RBFOX1: variants seen among roughly 807,000 people sequenced by gnomAD.
RBFOX1 encodes the protein RNA binding protein fox-1 homolog 1.
RBFOX1 carries 8 observed loss-of-function variants against 57.7 expected under a neutral mutation model. The ratio of observed to expected loss-of-function variants is 0.14; its 90% CI spans 0.08 to 0.25. The LOEUF (loss-of-function observed/expected upper bound fraction) is 0.25, where lower values mean the gene tolerates loss of function less well. RBFOX1 is among the 10% of genes least tolerant of loss of function. RBFOX1 has a pLI of 1.00. For missense variants in RBFOX1, 611 were observed against 548.5 expected, an observed-to-expected ratio of 1.11 and a Z score of -1.14; for synonymous variants, 326 against 222.4, an observed-to-expected ratio of 1.47 and a Z score of -4.15.
intron 4 of RBFOX1, among the ~76,000 whole-genome samples, chr16:7,203,173 G>C (rs2089068398): frequency 6.6e-6 from 1 of 152,184 alleles, no homozygotes; most frequent in Admixed American, 6.5e-5. Flanking sequence ...TAAGCAAAAT[G>C]TGATACTCAC....
intron 4 of RBFOX1, among the ~76,000 whole-genome samples, chr16:7,203,364 T>C (rs2089139807): frequency 6.6e-6 from 1 of 152,156 alleles, no homozygotes; most frequent in African/African-American, 2.4e-5. Flanking sequence ...AGAATGGTGG[T>C]GGCTGGTGGA....
intron 3 of RBFOX1, among the ~76,000 whole-genome samples, chr16:5,840,727 C>A (rs2056599811): frequency 6.6e-6 from 1 of 152,186 alleles, no homozygotes; most frequent in African/African-American, 2.4e-5. Flanking sequence ...AAGGAGCCTT[C>A]TCACAGCACA....
intron 3 of RBFOX1, among the ~76,000 whole-genome samples, chr16:6,676,157 C>T (rs1269277471): frequency 6.6e-6 from 1 of 151,406 alleles, no homozygotes; most frequent in East Asian, 1.9e-4. Context: ...CACACACACA[C>T]ACACACACAC....
intron 4 of RBFOX1, among the ~76,000 whole-genome samples, chr16:7,277,149 A>G (rs1234729987): frequency 1.3e-5 from 2 of 152,238 alleles, no homozygotes; most frequent in African/African-American, 2.4e-5. Flanking sequence ...AGAAACATTA[A>G]AAAGTTGGAT....
intron 3 of RBFOX1, among the ~76,000 whole-genome samples, chr16:6,982,620 A>G (rs1477450799): frequency 6.6e-6 from 1 of 152,226 alleles, no homozygotes; most frequent in East Asian, 1.9e-4. Flanking sequence ...GGAGCTGAGC[A>G]AAGCCCTTTC....
chr16:6,249,659 G>T (rs1205827814), intron 1 of RBFOX1, among the ~76,000 whole-genome samples: 1 of 152,226 alleles, frequency 6.6e-6, no homozygotes, highest in East Asian at 1.9e-4. Flanking sequence ...TGCAGGCAAA[G>T]GTGAGATCTA....
At chr16:7,221,784 C>A (rs2092750875) in intron 4 of RBFOX1, among the ~76,000 whole-genome samples, 2 of 152,176 alleles carry the variant, frequency 1.3e-5, no homozygotes, top group South Asian at 4.1e-4. Context: ...CCAGAATGGT[C>A]TTATCTTTTA....
intron 2 of RBFOX1, among the ~76,000 whole-genome samples, chr16:6,423,977 C>A (rs138333280): frequency 0.01 from 1,522 of 152,126 alleles, 29 homozygotes; most frequent in African/African-American, 0.033. Context: ...TGGTGGCTCA[C>A]GCCTGTAATC....
chr16:7,004,923 C>T (rs948370638), intron 3 of RBFOX1, among the ~76,000 whole-genome samples: 2 of 152,122 alleles, frequency 1.3e-5, no homozygotes, highest in Non-Finnish European at 1.5e-5. Context: ...GTGGGCCGAT[C>T]ACTTGAGGTC....
intron 1 of RBFOX1, among the ~76,000 whole-genome samples, chr16:6,082,962 G>T (rs2096027542): frequency 6.6e-6 from 1 of 151,890 alleles, no homozygotes; most frequent in Admixed American, 6.6e-5. Context: ...TGCTGTAATG[G>T]GGAAGACTGA....
At position 5,756,223 on chromosome 16, in the gene RBFOX1, CAAAA is replaced by C. The variant is rs5815266; in HGVS notation, c.319-111058_319-111055del. On this transcript the variant is annotated intron_variant, in intron 3 of 19. Coordinates refer to the RBFOX1 transcript ENST00000641259. ...CCCCTTCTTACATCTTCCACATAAG[CAAAA>C]AAAAAAAAAAAAAAAAAAAAACCCT... Among the ~76,000 whole-genome samples, 314 of 50,962 alleles carry C rather than the reference CAAAA, an allele frequency of 6.2e-3. 2 individuals carry two copies. Among genetic ancestry groups the C allele is most frequent in the African/African-American group, 0.021 (298 of 14,204 alleles). 33.4% of individuals were successfully genotyped at this position (50,962 alleles called of 152,430 possible).
In RBFOX1 at chr16:6,858,839, A is replaced by G. The variant is rs1002714112; in HGVS notation, c.-15-193218A>G. On this transcript the variant is annotated intron_variant, in intron 3 of 15. Transcript: ENST00000550418. ...CTGCTGGTTAGAAGTATAATCTTCA[A>G]TTCAACATGCAAAACTCAGACTCGT... 3.3e-5 allele frequency among the ~76,000 whole-genome samples: 5 copies of G among 152,160 alleles called. No homozygotes were observed. The East Asian group carries it at 9.7e-4, about 30-fold the overall frequency.
At chr16:7,053,929 A>G (rs2050994967) in intron 4 of RBFOX1, among the ~76,000 whole-genome samples, 1 of 152,092 alleles carries the variant, frequency 6.6e-6, no homozygotes, top group Non-Finnish European at 1.5e-5. Flanking sequence ...GCACACATAT[A>G]TAGGGTTCAA....
intron 4 of RBFOX1, among the ~76,000 whole-genome samples, chr16:7,516,784 G>A (rs1421452673): frequency 6.6e-6 from 1 of 151,896 alleles, no homozygotes; most frequent in African/African-American, 2.4e-5. Flanking sequence ...TTCTAATTAA[G>A]GTCCCTTCTA....
intron 2 of RBFOX1, among the ~76,000 whole-genome samples, chr16:6,320,194 G>A (rs971532889): frequency 7.2e-5 from 11 of 152,162 alleles, no homozygotes; most frequent in African/African-American, 1.2e-4. Context: ...ATGACTTAGC[G>A]TAACCCTAAT....
At chr16:6,358,635 G>T (rs184322379) in intron 2 of RBFOX1, among the ~76,000 whole-genome samples, 121 of 152,302 alleles carry the variant, frequency 7.9e-4, no homozygotes, top group Admixed American at 7.4e-3. Context: ...CCAACAGCAG[G>T]AGGTAGATAC....
chr16:7,402,880 C>T (rs138566816), intron 4 of RBFOX1, among the ~76,000 whole-genome samples: 87 of 152,266 alleles, frequency 5.7e-4, no homozygotes, highest in African/African-American at 2.0e-3. Flanking sequence ...CAGTCCTAGA[C>T]ATTGATGCCT....
At chr16:7,328,011 C>G (rs1186554981) in intron 4 of RBFOX1, among the ~76,000 whole-genome samples, 1 of 152,108 alleles carries the variant, frequency 6.6e-6, no homozygotes, top group East Asian at 1.9e-4. Context: ...CCTTCTCTTT[C>G]ATTGACGTCT....
intron 2 of RBFOX1, among the ~76,000 whole-genome samples, chr16:6,523,448 C>A (rs942268995): frequency 1.3e-4 from 20 of 152,184 alleles, no homozygotes; most frequent in African/African-American, 4.3e-4. Flanking sequence ...ACATTTTGTC[C>A]AATGCAGTGA....
Sources: gnomAD v4.1 joint callset for allele counts (sites outside exome capture counted in the v4.1 genomes callset) on GRCh38, gnomAD v4.1.1 for gene constraint, MANE v1.5 for transcripts, NCBI Gene and HGNC (gene_info 2026-07-23, HGNC 2026-07-21) for gene names.